PSAT1: variants seen among roughly 807,000 people sequenced by gnomAD.
PSAT1 encodes phosphoserine aminotransferase.
A neutral mutation model predicts 40.3 loss-of-function variants in PSAT1; 41 were observed. The ratio of observed to expected loss-of-function variants is 1.02; its 90% CI spans 0.79 to 1.32. PSAT1 has a LOEUF of 1.32. Among genes scored for constraint, PSAT1 ranks in the 40% most tolerant of loss-of-function variants. The pLI is 0.00. For synonymous variants in PSAT1, 147 were observed against 170.5 expected, an observed-to-expected ratio of 0.86 and a Z score of 1.07; for missense variants, 406 against 455.8, an observed-to-expected ratio of 0.89 and a Z score of 0.99.
chr9:78,311,637 G>A (rs1472430079), intron 6 of PSAT1, among the ~76,000 whole-genome samples: 1 of 151,996 alleles, frequency 6.6e-6, no homozygotes, highest in East Asian at 1.9e-4. Flanking sequence ...ATCGAGACCA[G>A]CCAGACCAAC....
chr9:78,326,743 A>C (rs1428739320), intron 7 of PSAT1, among the ~76,000 whole-genome samples: 1 of 151,534 alleles, frequency 6.6e-6, no homozygotes, highest in Admixed American at 6.6e-5. Flanking sequence ...TTGGGTCAGC[A>C]GGTTGGGCTG....
At chr9:78,316,039 T>A (rs1425875149) in intron 6 of PSAT1, among the ~76,000 whole-genome samples, 1 of 152,132 alleles carries the variant, frequency 6.6e-6, no homozygotes, top group Non-Finnish European at 1.5e-5. Context: ...CTGGGCGACC[T>A]CTCCTCCTGT....
Position 78,311,829 on chromosome 9 carries a change from GAAAACA to G in PSAT1, c.740+3274_740+3279del, listed in dbSNP as rs749911565. Among the ~76,000 whole-genome samples, 392 of 151,358 alleles carry G rather than the reference GAAAACA, an allele frequency of 2.6e-3. 2 individuals are homozygous for G. The highest frequency in any genetic ancestry group is 8.6e-3 in the African/African-American group (353 of 41,200). ...CCTGGGTGACAGAGTGAGACTGTCT[GAAAACA>G]AAAACAAAAACAAAAACAAAAACAA... On this transcript the variant is annotated intron_variant, in intron 6 of 8. Transcript: ENST00000376588.
At chr9:78,322,590 A>G (rs932180171) in intron 7 of PSAT1, among the ~76,000 whole-genome samples, 1 of 152,234 alleles carries the variant, frequency 6.6e-6, no homozygotes, top group African/African-American at 2.4e-5. Flanking sequence ...GACATCATAA[A>G]CAGAATCAAA....
rs1228487843 is a variant in PSAT1 at position 78,305,060 on chromosome 9, G to A, written c.397+120G>A. On this transcript the variant is annotated intron_variant, in intron 4 of 8. Transcript: ENST00000376588. ...GACAGTGTTAGTTCATTACCATTTA[G>A]ATTGGGTGGCTGTACTAGCTAAGAC... The A allele has an allele frequency of 3.3e-6, 3 of 907,190 alleles. No homozygotes were observed. In the Admixed American group the frequency reaches 6.0e-5, roughly 18 times the overall value. 56.2% of individuals were successfully genotyped at this position (907,190 alleles called of 1,614,324 possible). A position where few individuals can be genotyped will look rare whatever the true frequency, so the allele number is the denominator to read the frequency against.
chr9:78,325,110 G>C (rs1048696585), intron 7 of PSAT1, among the ~76,000 whole-genome samples: 2 of 152,128 alleles, frequency 1.3e-5, no homozygotes, highest in African/African-American at 4.8e-5. Context: ...CAGGAATGAA[G>C]CAGAAGACAG....
intron 7 of PSAT1, among the ~76,000 whole-genome samples, chr9:78,320,342 A>G (rs1347978979): frequency 6.9e-6 from 1 of 144,054 alleles, no homozygotes; most frequent in African/African-American, 2.6e-5. Flanking sequence ...CCATCTATCC[A>G]TCCATCCATC....
chr9:78,317,452 T>C (rs1375063995), intron 6 of PSAT1, among the ~76,000 whole-genome samples: 1 of 152,224 alleles, frequency 6.6e-6, no homozygotes, highest in Non-Finnish European at 1.5e-5. Flanking sequence ...GGTCTTGCTA[T>C]GTTGCCTAGG....
intron 7 of PSAT1, among the ~76,000 whole-genome samples, chr9:78,325,915 T>C (rs545557373): frequency 6.6e-6 from 1 of 152,376 alleles, no homozygotes; most frequent in East Asian, 1.9e-4. Context: ...TAATTCTTCC[T>C]GCTTTCAATT....
At chr9:78,319,608 A>G (rs1828397862) in intron 7 of PSAT1, among the ~76,000 whole-genome samples, 1 of 152,266 alleles carries the variant, frequency 6.6e-6, no homozygotes, top group African/African-American at 2.4e-5. Context: ...GATCAGCAGT[A>G]GGTATCCAAA....
At chr9:78,300,539 G>C in intron 1 of PSAT1, 63 bp from the exon 2 acceptor site, 1 of 1,553,572 alleles carries the variant, frequency 6.4e-7, no homozygotes, top group Non-Finnish European at 8.7e-7. Context: ...AGGTTTGTAT[G>C]TTCAGAGGGA....
chr9:78,312,789 C>T (rs1828286825), intron 6 of PSAT1, among the ~76,000 whole-genome samples: 1 of 152,186 alleles, frequency 6.6e-6, no homozygotes, highest in Non-Finnish European at 1.5e-5. Flanking sequence ...TCCCAGACTA[C>T]CTTCTCCCAG....
chr9:78,325,490 C>T (rs531560887), intron 7 of PSAT1, among the ~76,000 whole-genome samples: 3 of 152,358 alleles, frequency 2.0e-5, no homozygotes, highest in Admixed American at 6.5e-5. Context: ...GCAGACTTGC[C>T]GGAAGCCTTT....
chr9:78,307,739 A>G (rs1240242833), intron 5 of PSAT1, among the ~76,000 whole-genome samples: 1 of 152,164 alleles, frequency 6.6e-6, no homozygotes, highest in Non-Finnish European at 1.5e-5. Context: ...ACAAATGTAA[A>G]TAGATTAAAA....
chr9:78,317,971 C>T lies in PSAT1; in HGVS notation c.869+167C>T, dbSNP rs7043123. On this transcript the variant is annotated intron_variant, in intron 7 of 8. Coordinates refer to ENST00000376588, the MANE Select transcript of PSAT1 (RefSeq NM_058179.4). ...TGAGCAGGGGAGTGGGTGGTGAGTT[C>T]TTCCCTCCTGTACCTCACCCTGGGG... Among the ~76,000 whole-genome samples, 112,735 of 151,870 alleles carry T rather than the reference C, an allele frequency of 0.74. 41,970 individuals are homozygous for T. Among genetic ancestry groups the T allele is most frequent in the Middle Eastern group, 0.79 (232 of 294 alleles).
rs112524819 is a variant in PSAT1 at position 78,314,464 on chromosome 9, T to C, written c.741-3212T>C. On this transcript the variant is annotated intron_variant, in intron 6 of 8. Transcript: ENST00000376588. ...GGGAGGGGAGGCAGGACCTCCTATC[T>C]TGTGTTAAGTAGAGTCACAGGGGCT... 2.0e-3 allele frequency among the ~76,000 whole-genome samples: 180 copies of C among 89,736 alleles called. 1 individual carries two copies. Among genetic ancestry groups the C allele is most frequent in the East Asian group, 0.015 (37 of 2,520 alleles). 58.9% of individuals were successfully genotyped at this position (89,736 alleles called of 152,430 possible).
At chr9:78,298,568 C>T (rs148372416) in intron 1 of PSAT1, among the ~76,000 whole-genome samples, 19 of 152,218 alleles carry the variant, frequency 1.2e-4, no homozygotes, top group African/African-American at 4.6e-4. Flanking sequence ...TCCTCCTGCA[C>T]CCCCCATGTT....
chr9:78,301,995 A>G lies in PSAT1; in HGVS notation c.163A>G (p.Asn55Asp), dbSNP rs756181620. 16 of 1,611,648 alleles carry G rather than the reference A, an allele frequency of 9.9e-6. No individual in the cohort carries two copies. The South Asian group carries it at 1.8e-4, about 18-fold the overall frequency. ...RSSDFAKIIN[N>D]TENLVRELLA... ...ATCAGATTTTGCCAAGATTATTAAC[A>G]ATACAGAGAATCTTGTGCGGGAATT... Residue 55 changes from asparagine to aspartate, a missense_variant, in exon 3 of 9, where the codon AAT becomes GAT. By Grantham distance (23) the Asn-to-Asp change is conservative. Transcript: ENST00000376588.
In PSAT1 at chr9:78,304,795, T is replaced by C; in HGVS notation, c.252T>C (p.Ser84=). 3 of 1,614,190 alleles carry C rather than the reference T, an allele frequency of 1.9e-6. No individual in the cohort carries two copies. The highest frequency in any genetic ancestry group is 2.5e-6 in the Non-Finnish European group (3 of 1,180,034). ...FLQGGGCGQF[S]AVPLNLIGLK... ...AAGGAGGTGGGTGCGGCCAGTTCAG[T>C]GCTGTCCCCTTAAACCTCATTGGCT... Residue 84 remains serine (S), a synonymous_variant, in exon 4 of 9, where the codon AGT becomes AGC. Coordinates refer to ENST00000376588, the MANE Select transcript of PSAT1 (RefSeq NM_058179.4).
Sources: gnomAD v4.1 joint callset for allele counts (sites outside exome capture counted in the v4.1 genomes callset) on GRCh38, gnomAD v4.1.1 for gene constraint, MANE v1.5 for transcripts, NCBI Gene and HGNC (gene_info 2026-07-23, HGNC 2026-07-21) for gene names.